CNBD1: variants seen among roughly 807,000 people sequenced by gnomAD.
CNBD1 encodes cyclic nucleotide-binding domain-containing protein 1.
Under a neutral mutation model 54.4 loss-of-function variants are expected in CNBD1, and 71 were observed. That is an observed-to-expected ratio of 1.30 (90% CI 1.08 to 1.59). The LOEUF (loss-of-function observed/expected upper bound fraction) is 1.59. Ranked by LOEUF, CNBD1 falls within the 40% of genes most tolerant of loss-of-function variation. The pLI, the probability that CNBD1 is intolerant of heterozygous loss-of-function variation, is 0.00. For synonymous variants in CNBD1, 182 were observed against 170.7 expected (o/e 1.07, Z -0.51); for missense variants, 659 against 518.0 (o/e 1.27, Z -2.64).
At chr8:87,379,698 A>T (rs986064095) in intron 10 of CNBD1, among the ~76,000 whole-genome samples, 1 of 151,974 alleles carries the variant, frequency 6.6e-6, no homozygotes, top group East Asian at 1.9e-4. Flanking sequence ...CTGTCAGAAT[A>T]CCAGTAATTT....
intron 2 of CNBD1, among the ~76,000 whole-genome samples, chr8:87,399,591 A>G (rs547512530): frequency 3.3e-4 from 50 of 152,152 alleles, no homozygotes; most frequent in African/African-American, 9.6e-4. Context: ...CAAAAGTTCA[A>G]TCAAATGAGA....
At chr8:87,340,756 T>C (rs2130918804) in intron 8 of CNBD1, among the ~76,000 whole-genome samples, 1 of 152,238 alleles carries the variant, frequency 6.6e-6, no homozygotes, top group Admixed American at 6.5e-5. Flanking sequence ...TCCTGAGTTG[T>C]AACATTTGAT....
chr8:87,401,785 AT>A (rs1184914298), intron 2 of CNBD1, among the ~76,000 whole-genome samples: 1 of 152,078 alleles, frequency 6.6e-6, no homozygotes, highest in East Asian at 1.9e-4. Flanking sequence ...ATACATAAAT[AT>A]TGAGTTCCTG....
rs185754156 is a variant in CNBD1, at chr8:87,039,242, C to A, written c.431+99488C>A. Among the ~76,000 whole-genome samples the A allele has an allele frequency of 2.6e-5, 4 of 152,236 alleles. No homozygotes were observed. The East Asian group carries it at 7.7e-4, about 29-fold the overall frequency. Reference sequence around the variant, plus strand: ...GGAGGTTGATTATACATTAAATATGCTAACTTTAATATTCTATGGTTTTTA... The same window carrying A: ...GGAGGTTGATTATACATTAAATATGATAACTTTAATATTCTATGGTTTTTA... On this transcript the variant is annotated intron_variant, in intron 4 of 10. Transcript: ENST00000518476.
chr8:87,043,236 A>G (rs1165876737), intron 4 of CNBD1, among the ~76,000 whole-genome samples: 1 of 152,052 alleles, frequency 6.6e-6, no homozygotes, highest in Non-Finnish European at 1.5e-5. Context: ...TCTCAGAGCA[A>G]TTGTTCATTT....
At chr8:87,346,058 G>A (rs1005175716) in intron 8 of CNBD1, among the ~76,000 whole-genome samples, 2 of 151,248 alleles carry the variant, frequency 1.3e-5, no homozygotes, top group East Asian at 1.9e-4. Flanking sequence ...TTTTTGTGGG[G>A]GGGACAGAGT....
At chr8:87,250,583 C>T (rs1418409777) in intron 6 of CNBD1, among the ~76,000 whole-genome samples, 1 of 152,148 alleles carries the variant, frequency 6.6e-6, no homozygotes, top group Non-Finnish European at 1.5e-5. Flanking sequence ...GAGTGTCCAT[C>T]AACCATTGAA....
intron 10 of CNBD1, among the ~76,000 whole-genome samples, chr8:87,369,200 G>A (rs915264454): frequency 2.0e-5 from 3 of 151,882 alleles, no homozygotes; most frequent in South Asian, 2.1e-4. Context: ...ATTTAGGAAG[G>A]AAACATATTT....
intron 4 of CNBD1, among the ~76,000 whole-genome samples, chr8:87,094,658 A>G (rs1468678119): frequency 6.6e-6 from 1 of 152,194 alleles, no homozygotes; most frequent in Non-Finnish European, 1.5e-5. Context: ...CTTTGTGGAC[A>G]TAGAGGCTGA....
At chr8:87,240,076 AC>A (rs1807663905) in intron 6 of CNBD1, among the ~76,000 whole-genome samples, 1 of 148,332 alleles carries the variant, frequency 6.7e-6, no homozygotes, top group African/African-American at 2.5e-5. Context: ...ACACACACAC[AC>A]ACACACACAC....
rs146226414 is a variant in CNBD1, at chr8:86,911,234, G to A, written c.272+6040G>A. On this transcript the variant is annotated intron_variant, in intron 3 of 10. Coordinates refer to ENST00000518476, the MANE Select transcript of CNBD1 (RefSeq NM_173538.3). ...GCTTGCTTATCTATGTTTGCAGCTG[G>A]ATTACTTTCAGGCTGCTCTTTGTTA... Among the ~76,000 whole-genome samples the A allele has an allele frequency of 6.0e-3, 913 of 152,278 alleles. 11 individuals are homozygous for A. Among genetic ancestry groups the A allele is most frequent in the African/African-American group, 0.02 (850 of 41,542 alleles).
At chr8:87,157,995 A>T (rs1316288675) in intron 4 of CNBD1, among the ~76,000 whole-genome samples, 1 of 152,136 alleles carries the variant, frequency 6.6e-6, no homozygotes, top group Non-Finnish European at 1.5e-5. Context: ...GAGTATGAGC[A>T]AGTTACTATA....
At chr8:87,189,240 C>A (rs1813547624) in intron 4 of CNBD1, among the ~76,000 whole-genome samples, 1 of 152,080 alleles carries the variant, frequency 6.6e-6, no homozygotes, top group African/African-American at 2.4e-5. Context: ...GTTAACCACT[C>A]AGATCTTATG....
chr8:87,227,995 T>C (rs113539189), intron 5 of CNBD1, among the ~76,000 whole-genome samples: 12,522 of 140,188 alleles, frequency 0.089, 1,496 homozygotes, highest in African/African-American at 0.28. Context: ...TTCATTTCAT[T>C]TTCCATCACT....
Position 87,171,921 on chromosome 8 carries a change from G to A in CNBD1, c.432-34072G>A, listed in dbSNP as rs186475833. Among the ~76,000 whole-genome samples, 279 of 152,236 alleles carry A rather than the reference G, an allele frequency of 1.8e-3. 1 individual carries two copies. The highest frequency in any genetic ancestry group is 6.8e-3 in the Middle Eastern group (2 of 294). ...CAAAGTGCTGGGATTACAGGCATGAGCCACCGCGCCTGGGCTGAAGATTTT... is the reference window on the plus strand; with the variant it reads ...CAAAGTGCTGGGATTACAGGCATGAACCACCGCGCCTGGGCTGAAGATTTT... On this transcript the variant is annotated intron_variant, in intron 4 of 10. Coordinates refer to ENST00000518476, the MANE Select transcript of CNBD1 (RefSeq NM_173538.3).
At chr8:87,084,383 C>A (rs1563462126) in intron 4 of CNBD1, among the ~76,000 whole-genome samples, 1 of 152,138 alleles carries the variant, frequency 6.6e-6, no homozygotes, top group Non-Finnish European at 1.5e-5. Flanking sequence ...ACAATGGATT[C>A]TCTCAGCCTT....
intron 2 of CNBD1, among the ~76,000 whole-genome samples, chr8:87,409,040 G>T (rs963163826): frequency 6.6e-6 from 1 of 152,066 alleles, no homozygotes; most frequent in Non-Finnish European, 1.5e-5. Flanking sequence ...GAAAGGAAGG[G>T]TTGCATTTCT....
intron 10 of CNBD1, among the ~76,000 whole-genome samples, chr8:87,367,046 G>T (rs1441100803): frequency 6.6e-6 from 1 of 151,910 alleles, no homozygotes; most frequent in African/African-American, 2.4e-5. Flanking sequence ...CTCTGCTGAG[G>T]GTACTTTACT....
intron 1 of CNBD1, among the ~76,000 whole-genome samples, chr8:86,885,852 T>C (rs1323298701): frequency 6.6e-6 from 1 of 152,346 alleles, no homozygotes; most frequent in East Asian, 1.9e-4. Flanking sequence ...AAGCCTACTA[T>C]GAAGCCTTGA....
Sources: gnomAD v4.1 joint callset for allele counts (sites outside exome capture counted in the v4.1 genomes callset) on GRCh38, gnomAD v4.1.1 for gene constraint, MANE v1.5 for transcripts, NCBI Gene and HGNC (gene_info 2026-07-23, HGNC 2026-07-21) for gene names.